LSAMP: variants seen among roughly 807,000 people sequenced by gnomAD.
The protein encoded by LSAMP is limbic system associated membrane protein, also known as limbic system-associated membrane protein.
LSAMP carries 7 observed loss-of-function variants against 38.6 expected under a neutral mutation model. The ratio of observed to expected loss-of-function variants is 0.18; its 90% CI spans 0.10 to 0.34. The LOEUF is 0.34. LSAMP is among the 10% of genes least tolerant of loss of function. LSAMP has a pLI of 1.00. For synonymous variants in LSAMP, 154 were observed against 166.8 expected, an observed-to-expected ratio of 0.92 and a Z score of 0.59; for missense variants, 313 against 420.0, an observed-to-expected ratio of 0.75 and a Z score of 2.23.
chr3:115,879,970 GA>G (rs138975392), intron 3 of LSAMP, among the ~76,000 whole-genome samples: 1 of 151,924 alleles, frequency 6.6e-6, no homozygotes, highest in Admixed American at 6.6e-5. Flanking sequence ...ATTTATCATT[GA>G]AAAAAATTCT....
intron 3 of LSAMP, among the ~76,000 whole-genome samples, chr3:115,937,287 C>A (rs1937734950): frequency 2.0e-5 from 3 of 152,054 alleles, no homozygotes; most frequent in African/African-American, 4.8e-5. Flanking sequence ...AGGATATAGT[C>A]AATGCAATAA....
chr3:116,375,471 G>A (rs929586954), intron 1 of LSAMP, among the ~76,000 whole-genome samples: 15 of 151,758 alleles, frequency 9.9e-5, no homozygotes, highest in African/African-American at 3.6e-4. Flanking sequence ...GAAACCCATA[G>A]CCTATCACCT....
At chr3:116,434,099 C>A (rs1237943605) in intron 1 of LSAMP, among the ~76,000 whole-genome samples, 1 of 152,172 alleles carries the variant, frequency 6.6e-6, no homozygotes, top group Admixed American at 6.5e-5. Context: ...TTATCTATCT[C>A]TGATTTTATG....
chr3:116,064,398 C>G lies in LSAMP; in HGVS notation c.388+21926G>C, dbSNP rs189623257. Reference sequence around the variant, plus strand: ...AGCATAGTGGTGGATGCCTGTAATCCCAGCTACTCGGGAGGCTGAGGCAGG... The same window carrying G: ...AGCATAGTGGTGGATGCCTGTAATCGCAGCTACTCGGGAGGCTGAGGCAGG... On this transcript the variant is annotated intron_variant, in intron 2 of 6. Transcript: ENST00000490035. Among the ~76,000 whole-genome samples, 541 of 151,828 alleles carry G rather than the reference C, an allele frequency of 3.6e-3. 4 individuals are homozygous for G. The highest frequency in any genetic ancestry group is 0.015 in the South Asian group (72 of 4,822).
chr3:115,826,920 C>A (rs933250185), intron 6 of LSAMP, among the ~76,000 whole-genome samples: 11 of 148,166 alleles, frequency 7.4e-5, no homozygotes, highest in Non-Finnish European at 1.3e-4. Flanking sequence ...GATCTCCCAA[C>A]GGAAGACCAG....
intron 1 of LSAMP, among the ~76,000 whole-genome samples, chr3:116,310,024 A>G (rs2047535162): frequency 6.6e-6 from 1 of 152,116 alleles, no homozygotes; most frequent in South Asian, 2.1e-4. Flanking sequence ...GGTTTGTCTC[A>G]TCTCTTTGGA....
intron 1 of LSAMP, among the ~76,000 whole-genome samples, chr3:116,147,974 T>C (rs918886567): frequency 6.7e-6 from 1 of 150,284 alleles, no homozygotes; most frequent in East Asian, 1.9e-4. Context: ...ATACAATTTT[T>C]TTGTCCTTAG....
At chr3:115,858,936 A>C (rs370872024) in intron 3 of LSAMP, among the ~76,000 whole-genome samples, 3 of 152,314 alleles carry the variant, frequency 2.0e-5, no homozygotes, top group South Asian at 4.1e-4. Flanking sequence ...TTTTCCCCTA[A>C]GGACATGCTC....
intron 1 of LSAMP, among the ~76,000 whole-genome samples, chr3:116,413,902 CA>C (rs63646861): frequency 1.3e-4 from 19 of 144,494 alleles, no homozygotes; most frequent in Admixed American, 2.7e-4. Context: ...CAGAAAATTA[CA>C]AAAAAAAAAA....
intron 2 of LSAMP, among the ~76,000 whole-genome samples, chr3:116,069,591 G>T (rs546482661): frequency 3.9e-4 from 60 of 152,128 alleles, no homozygotes; most frequent in African/African-American, 1.4e-3. Context: ...AGGTAATGAG[G>T]GTCTATGTTA....
chr3:116,111,438 G>T (rs903079058), intron 1 of LSAMP, among the ~76,000 whole-genome samples: 1 of 152,180 alleles, frequency 6.6e-6, no homozygotes, highest in South Asian at 2.1e-4. Flanking sequence ...TGAGACATGA[G>T]TTAATACCTC....
chr3:116,019,392 T>C (rs899343646), intron 3 of LSAMP, 123 bp downstream of exon 3: 4 of 1,232,144 alleles, frequency 3.2e-6, no homozygotes, highest in Non-Finnish European at 4.5e-6. Flanking sequence ...CATGACCTTC[T>C]GATTCAACAG....
chr3:115,873,818 CA>C (rs1264348236), intron 3 of LSAMP, among the ~76,000 whole-genome samples: 2 of 152,082 alleles, frequency 1.3e-5, no homozygotes, highest in African/African-American at 4.8e-5. Context: ...TAAATGCCCA[CA>C]GTTATATTTA....
At chr3:116,035,392 A>AT (rs1405107065) in intron 2 of LSAMP, among the ~76,000 whole-genome samples, 1 of 152,210 alleles carries the variant, frequency 6.6e-6, no homozygotes, top group African/African-American at 2.4e-5. Context: ...AGTAATAGAA[A>AT]TGTTTCACTT....
At chr3:116,050,060 C>CA (rs1941365302) in intron 2 of LSAMP, among the ~76,000 whole-genome samples, 1 of 152,144 alleles carries the variant, frequency 6.6e-6, no homozygotes, top group Non-Finnish European at 1.5e-5. Context: ...TCAATGACAT[C>CA]CTTGTCTCTG....
chr3:116,156,984 T>C (rs1035015465), intron 1 of LSAMP, among the ~76,000 whole-genome samples: 2 of 152,126 alleles, frequency 1.3e-5, no homozygotes, highest in Non-Finnish European at 2.9e-5. Flanking sequence ...CTAAGGACTC[T>C]AATGATTGAG....
chr3:116,312,294 G>C (rs77315189), intron 1 of LSAMP, among the ~76,000 whole-genome samples: 5 of 152,116 alleles, frequency 3.3e-5, no homozygotes, highest in East Asian at 1.9e-4. Context: ...GACAAAAAGG[G>C]CTCCTTAGAA....
chr3:115,827,888 G>A (rs1162608834), intron 6 of LSAMP, among the ~76,000 whole-genome samples: 1 of 152,156 alleles, frequency 6.6e-6, no homozygotes, highest in African/African-American at 2.4e-5. Context: ...GGAGGTGTAA[G>A]GTGGGATCTC....
chr3:116,067,587 C>G (rs529146802), intron 2 of LSAMP, among the ~76,000 whole-genome samples: 3 of 152,198 alleles, frequency 2.0e-5, no homozygotes, highest in East Asian at 1.9e-4. Flanking sequence ...GCAAATACCC[C>G]CTGGTTGTTG....
Sources: gnomAD v4.1 joint callset for allele counts (sites outside exome capture counted in the v4.1 genomes callset) on GRCh38, gnomAD v4.1.1 for gene constraint, MANE v1.5 for transcripts, NCBI Gene and HGNC (gene_info 2026-07-23, HGNC 2026-07-21) for gene names.